Variants in PLCB1 observed in about 807,000 individuals in gnomAD.
PLCB1 encodes the protein phospholipase C beta 1.
A neutral mutation model predicts 161.8 loss-of-function variants in PLCB1; 46 were observed. The ratio of observed to expected loss-of-function variants is 0.28; its 90% confidence interval spans 0.22 to 0.36. The LOEUF (loss-of-function observed/expected upper bound fraction) is 0.36, where lower values mean the gene tolerates loss of function less well. PLCB1 is among the 10% of genes least tolerant of loss of function. The pLI, the probability that PLCB1 is intolerant of heterozygous loss-of-function variation, is 1.00. For synonymous variants in PLCB1, 517 were observed against 503.7 expected (o/e 1.03, Z -0.35); for missense variants, 1,016 against 1,472.5 (o/e 0.69, Z 5.07).
chr20:8,717,955 C>G, intron 14 of PLCB1, 107 bp downstream of exon 14: 2 of 976,254 alleles, frequency 2.0e-6, no homozygotes, highest in African/African-American at 1.7e-5. Flanking sequence ...CTTTTGGAGG[C>G]TGAGGCAGGT....
chr20:8,481,697 G>A (rs1156527146), intron 3 of PLCB1, among the ~76,000 whole-genome samples: 1 of 152,124 alleles, frequency 6.6e-6, no homozygotes, highest in Non-Finnish European at 1.5e-5. Context: ...CCCAACTAGA[G>A]TTTATGTGCC....
chr20:8,608,093 A>C (rs1281599547), intron 3 of PLCB1, among the ~76,000 whole-genome samples: 1 of 152,062 alleles, frequency 6.6e-6, no homozygotes, highest in Non-Finnish European at 1.5e-5. Context: ...CTTGGGTGTG[A>C]TTACAGGATG....
At chr20:8,876,841 G>C (rs1192395829) in intron 31 of PLCB1, among the ~76,000 whole-genome samples, 1 of 152,190 alleles carries the variant, frequency 6.6e-6, no homozygotes, top group Non-Finnish European at 1.5e-5. Flanking sequence ...CATGATGGCT[G>C]AGTAAACTTC....
At chr20:8,255,601 G>A (rs1410709200) in intron 2 of PLCB1, among the ~76,000 whole-genome samples, 3 of 151,932 alleles carry the variant, frequency 2.0e-5, no homozygotes, top group Admixed American at 6.6e-5. Flanking sequence ...TTCTAATAAA[G>A]CATTGCATTA....
intron 2 of PLCB1, among the ~76,000 whole-genome samples, chr20:8,239,849 G>A (rs1016244291): frequency 1.3e-5 from 2 of 151,964 alleles, no homozygotes; most frequent in African/African-American, 4.8e-5. Context: ...GGTTTTTGTT[G>A]ATGTTGATTT....
At chr20:8,345,839 T>C (rs756506950) in intron 2 of PLCB1, among the ~76,000 whole-genome samples, 1 of 152,180 alleles carries the variant, frequency 6.6e-6, no homozygotes, top group East Asian at 1.9e-4. Flanking sequence ...AAATGAAAAC[T>C]ACATTCTTTT....
At chr20:8,363,289 G>A (rs1172858384) in intron 2 of PLCB1, among the ~76,000 whole-genome samples, 1 of 152,094 alleles carries the variant, frequency 6.6e-6, no homozygotes, top group African/African-American at 2.4e-5. Context: ...TCCTAAGGCT[G>A]AAATCAAGAT....
At chr20:8,368,167 C>A (rs1045587895) in intron 2 of PLCB1, among the ~76,000 whole-genome samples, 9 of 152,150 alleles carry the variant, frequency 5.9e-5, no homozygotes, top group African/African-American at 2.2e-4. Context: ...TTGGGCTTTG[C>A]GTATATAATC....
intron 3 of PLCB1, among the ~76,000 whole-genome samples, chr20:8,524,658 G>A (rs1162679972): frequency 1.3e-5 from 2 of 152,158 alleles, no homozygotes; most frequent in African/African-American, 4.8e-5. Flanking sequence ...GTAAAACCAA[G>A]TGTCAAACTG....
intron 23 of PLCB1, among the ~76,000 whole-genome samples, chr20:8,753,294 A>G (rs891645627): frequency 9.2e-5 from 14 of 152,186 alleles, no homozygotes; most frequent in African/African-American, 3.4e-4. Context: ...CTTGAGTCAT[A>G]CTGAAACCAT....
At chr20:8,417,039 A>G (rs1312285626) in intron 3 of PLCB1, among the ~76,000 whole-genome samples, 1 of 53,388 alleles carries the variant, frequency 1.9e-5, no homozygotes, top group Non-Finnish European at 4.4e-5. Context: ...ACACACACAC[A>G]CACACACACA....
chr20:8,320,394 A>G (rs1180287207), intron 2 of PLCB1, among the ~76,000 whole-genome samples: 1 of 152,186 alleles, frequency 6.6e-6, no homozygotes, highest in Non-Finnish European at 1.5e-5. Flanking sequence ...TAGGTAATAT[A>G]AACTTCCCTA....
intron 3 of PLCB1, among the ~76,000 whole-genome samples, chr20:8,537,605 C>T (rs1419591464): frequency 6.6e-6 from 1 of 152,134 alleles, no homozygotes; most frequent in East Asian, 1.9e-4. Flanking sequence ...GCCTGACTAG[C>T]TACCTACTGT....
At chr20:8,515,581 A>G (rs60086031) in intron 3 of PLCB1, among the ~76,000 whole-genome samples, 13,796 of 152,138 alleles carry the variant, frequency 0.091, 684 homozygotes, top group Middle Eastern at 0.12. Context: ...CTCCTTCCCA[A>G]TCTCTACTTC....
intron 31 of PLCB1, among the ~76,000 whole-genome samples, chr20:8,852,141 T>C (rs1188184976): frequency 6.6e-6 from 1 of 152,216 alleles, no homozygotes; most frequent in Non-Finnish European, 1.5e-5. Context: ...TATCTCTGCC[T>C]CCTAATTATT....
intron 14 of PLCB1, among the ~76,000 whole-genome samples, chr20:8,719,666 AG>A (rs892969467): frequency 2.6e-5 from 4 of 152,206 alleles, no homozygotes; most frequent in African/African-American, 9.6e-5. Context: ...AGCAACCAGC[AG>A]GGAGCCCAAG....
intron 3 of PLCB1, among the ~76,000 whole-genome samples, chr20:8,591,156 T>C (rs1987139441): frequency 6.6e-6 from 1 of 152,204 alleles, no homozygotes; most frequent in African/African-American, 2.4e-5. Context: ...CATGATCTTG[T>C]TCCTTTTTAT....
intron 2 of PLCB1, among the ~76,000 whole-genome samples, chr20:8,334,217 AAAAG>A (rs1457274066): frequency 1.3e-5 from 2 of 152,094 alleles, no homozygotes; most frequent in East Asian, 1.9e-4. Context: ...CTCAAAAAAA[AAAAG>A]AAAGAAAAGA....
rs560892038 is a variant in PLCB1, at chr20:8,499,363, T to C, written c.246+127913T>C. 3.3e-5 allele frequency among the ~76,000 whole-genome samples: 5 copies of C among 152,332 alleles called. No individual in the cohort carries two copies. In the East Asian group the frequency reaches 7.7e-4, roughly 24 times the overall value. ...ATTCACCTGACGTGTTGAACATCAA[T>C]ATAGGATTGAATGAAGCAAAACCTT... On this transcript the variant is annotated intron_variant, in intron 3 of 31. Coordinates refer to ENST00000338037, the MANE Select transcript of PLCB1 (RefSeq NM_015192.4).
Sources: allele counts gnomAD v4.1 joint callset (sites outside exome capture counted in the v4.1 genomes callset), GRCh38; gene constraint gnomAD v4.1.1; transcripts MANE v1.5; gene names NCBI Gene and HGNC (gene_info 2026-07-23, HGNC 2026-07-21).